Variants in MRI1 observed in about 807,000 individuals in gnomAD.
MRI1 encodes methylthioribose-1-phosphate isomerase.
Under a neutral mutation model 27.3 loss-of-function variants are expected in MRI1, and 32 were observed. The observed-to-expected ratio is 1.17, with a 90% CI of 0.88 to 1.57. MRI1 has a LOEUF of 1.57. Among genes scored for constraint, MRI1 ranks in the 40% most tolerant of loss-of-function variants. The pLI, the probability that MRI1 is intolerant of heterozygous loss-of-function variation, is 0.00. For synonymous variants in MRI1, 216 were observed against 227.4 expected (o/e 0.95, Z 0.45); for missense variants, 508 against 516.1 (o/e 0.98, Z 0.15).
chr19:13,768,506 C>T (rs1451035314), intron 3 of MRI1, 55 bp from the exon 4 acceptor site: 1 of 1,593,520 alleles, frequency 6.3e-7, no homozygotes, highest in Non-Finnish European at 8.6e-7. Context: ...CAATGGACCA[C>T]CCTGTCTGTT....
At position 13,764,870 on chromosome 19, in the gene MRI1, G is replaced by T; in HGVS notation, c.133-1G>T. 1 of 1,349,484 alleles carries T rather than the reference G, an allele frequency of 7.4e-7. No individual in the cohort carries two copies. Among genetic ancestry groups the T allele is most frequent in the Non-Finnish European group, 9.5e-7 (1 of 1,054,356 alleles). 83.6% of individuals were successfully genotyped at this position (1,349,484 alleles called of 1,614,324 possible). A position where few individuals can be genotyped will look rare whatever the true frequency, so the allele number is the denominator to read the frequency against. On this transcript the variant is annotated splice_acceptor_variant, in intron 1 of 5. Transcript: ENST00000040663. LOFTEE classifies it high-confidence loss of function. ...CCGACGCCCAAATCCCTGCCCCGCA[G>T]GTGCGGGGCGCCCCGGCCATAGCCC...
chr19:13,774,240 TA>T lies in MRI1; in HGVS notation c.*1963del, dbSNP rs1974332249. ...AGATCATAAAACGTTGTAAGTTTTC[TA>T]AAACACATAAGCTCTCAATAAACGT... On this transcript the variant is annotated 3_prime_UTR_variant, in exon 6 of 6. Transcript: ENST00000040663. 1 of 486,084 alleles carries T rather than the reference TA, an allele frequency of 2.1e-6. No individual in the cohort carries two copies. The highest frequency in any genetic ancestry group is 1.9e-5 in the African/African-American group (1 of 52,596). The allele number at this position is 486,084 out of a possible 1,614,324, so 30.1% of individuals were successfully genotyped here. A position where few individuals can be genotyped will look rare whatever the true frequency, so the allele number is the denominator to read the frequency against.
Position 13,774,164 on chromosome 19 carries a change from G to C in MRI1, c.*1883G>C, listed in dbSNP as rs886632218. 3.5e-5 allele frequency: 10 copies of C among 286,798 alleles called. No individual in the cohort carries two copies. Among genetic ancestry groups the C allele is most frequent in the African/African-American group, 2.2e-4 (10 of 46,184 alleles). The allele number at this position is 286,798 out of a possible 1,614,324, so 17.8% of individuals were successfully genotyped here. On this transcript the variant is annotated 3_prime_UTR_variant, in exon 6 of 6. Coordinates refer to ENST00000040663, the MANE Select transcript of MRI1 (RefSeq NM_001031727.4). ...AAGTTTTTGAACCTTCTTAAATTCT[G>C]TACCAGAGGTGAGTGCCACACCCTA...
intron 2 of MRI1, 81 bp downstream of exon 2, chr19:13,765,190 T>C (rs921365299): frequency 8.5e-7 from 1 of 1,173,350 alleles, no homozygotes; most frequent in East Asian, 3.1e-5. Context: ...ACTATACAGA[T>C]GGGGAAACTG....
intron 3 of MRI1, 91 bp from the exon 4 acceptor site, chr19:13,768,470 C>A (rs1368224008): frequency 1.9e-6 from 3 of 1,582,550 alleles, no homozygotes; most frequent in Middle Eastern, 1.7e-4. Flanking sequence ...CAATCCACGC[C>A]CAGACTAGGA....
Position 13,766,247 on chromosome 19 carries a change from C to G in MRI1, c.547+118C>G. ...CAAAAAAAATGGGAAGGTACTAGTTCTAGTACGGAAACACTTATACAGTTG... is the reference window on the plus strand; with the variant it reads ...CAAAAAAAATGGGAAGGTACTAGTTGTAGTACGGAAACACTTATACAGTTG... On this transcript the variant is annotated intron_variant, in intron 3 of 5. Coordinates refer to ENST00000040663, the MANE Select transcript of MRI1 (RefSeq NM_001031727.4). 6 of 964,062 alleles carry G rather than the reference C, an allele frequency of 6.2e-6. No homozygotes were observed. In the South Asian group the frequency reaches 1.2e-4, roughly 19 times the overall value. The allele number at this position is 964,062 out of a possible 1,614,324, so 59.7% of individuals were successfully genotyped here.
intron 5 of MRI1, 39 bp from the exon 6 acceptor site, chr19:13,772,082 C>A (rs200925337): frequency 3.8e-6 from 6 of 1,560,466 alleles, no homozygotes; most frequent in Non-Finnish European, 5.2e-6. Flanking sequence ...TTCACAGAAG[C>A]AAATTCTTGC....
chr19:13,766,345 G>T (rs928180865), intron 3 of MRI1, among the ~76,000 whole-genome samples: 6 of 152,170 alleles, frequency 3.9e-5, no homozygotes, highest in Admixed American at 3.3e-4. Flanking sequence ...CTTCAGCTCT[G>T]CCCTCCTTCA....
chr19:13,766,222 CA>C, intron 3 of MRI1, 93 bp downstream of exon 3: 80 of 1,232,752 alleles, frequency 6.5e-5, no homozygotes, highest in South Asian at 1.7e-4. Flanking sequence ...ACTTTATCCA[CA>C]AAAAAAATGG....
At chr19:13,769,997 C>T (rs1160860374) in intron 5 of MRI1, among the ~76,000 whole-genome samples, 6 of 152,080 alleles carry the variant, frequency 3.9e-5, no homozygotes, top group Admixed American at 6.6e-5. Flanking sequence ...GATAGGGTCT[C>T]GCTATGTTCC....
chr19:13,765,095 G>A lies in MRI1; in HGVS notation c.357G>A (p.Glu119=). The change falls in exon 2 of 6, where the codon GAG becomes GAA. Residue 119 remains glutamate (E), a synonymous_variant. Transcript: ENST00000040663. ...CCGAACGGGAGGGCGCTACGGAAGA[G>A]GCGGTCCGGGAGAGGTACGGGGATC... is the stretch of plus-strand genomic sequence containing the variant. ...REAEREGATE[E]AVRERVICCT... is the part of the protein sequence containing the mutation. 1 of 1,541,002 alleles carries A rather than the reference G, an allele frequency of 6.5e-7. No homozygotes were observed. The highest frequency in any genetic ancestry group is 2.5e-5 in the East Asian group (1 of 40,082).
chr19:13,767,459 G>A (rs1974162682), intron 3 of MRI1, among the ~76,000 whole-genome samples: 2 of 151,352 alleles, frequency 1.3e-5, no homozygotes, highest in Admixed American at 1.3e-4. Context: ...CCTGTAATCA[G>A]GAGGCTGGGG....
In MRI1 at chr19:13,765,112, A is replaced by G; in HGVS notation, c.371+3A>G. 1 of 1,523,616 alleles carries G rather than the reference A, an allele frequency of 6.6e-7. No individual in the cohort carries two copies. Among genetic ancestry groups the G allele is most frequent in the Non-Finnish European group, 8.8e-7 (1 of 1,139,102 alleles). 94.4% of individuals were successfully genotyped at this position (1,523,616 alleles called of 1,614,324 possible). ...ACGGAAGAGGCGGTCCGGGAGAGGT[A>G]CGGGGATCTGGTACCAGGCACGGCG... On this transcript the variant is annotated splice_donor_region_variant and intron_variant, in intron 2 of 5. Coordinates refer to ENST00000040663, the MANE Select transcript of MRI1 (RefSeq NM_001031727.4).
chr19:13,765,591 G>A lies in MRI1; in HGVS notation c.372-363G>A, dbSNP rs552022270. ...TTGGTGCGGGCCAGGTATCCATAGC[G>A]CCCTCCTCCACCATTCTATATGATC... On this transcript the variant is annotated intron_variant, in intron 2 of 5. Transcript: ENST00000040663. Among the ~76,000 whole-genome samples, 9 of 152,176 alleles carry A rather than the reference G, an allele frequency of 5.9e-5. No individual in the cohort carries two copies. In the East Asian group the frequency reaches 1.5e-3, roughly 26 times the overall value.
chr19:13,769,474 T>C (rs1425340351), intron 5 of MRI1, among the ~76,000 whole-genome samples: 1 of 152,046 alleles, frequency 6.6e-6, no homozygotes, highest in Non-Finnish European at 1.5e-5. Context: ...CCCAAGCCAC[T>C]TCTTCTAACA....
rs947981179 is a variant in MRI1 at position 13,764,698 on chromosome 19, G to A, written c.110G>A (p.Trp37Ter). ...YEAVGSVHQA[W>*]EAIRAMKVRG... ...GCGGTGGGCTCGGTGCACCAGGCCT[G>A]GGAGGCCATCCGCGCCATGAAGGTG... Residue 37 changes from tryptophan (W) to a stop codon, truncating the protein, a stop_gained, in exon 1 of 6, where the codon TGG becomes TAG. Transcript: ENST00000040663. LOFTEE classifies it high-confidence loss of function. The A allele has an allele frequency of 2.0e-6, 3 of 1,533,402 alleles. No homozygotes were observed. Among genetic ancestry groups the A allele is most frequent in the Non-Finnish European group, 2.6e-6 (3 of 1,142,630 alleles). 95.0% of individuals were successfully genotyped at this position (1,533,402 alleles called of 1,614,324 possible).
At position 13,772,236 on chromosome 19, in the gene MRI1, C is replaced by T; in HGVS notation, c.1065C>T (p.Thr355=). The change falls in exon 6 of 6, where the codon ACC becomes ACT. Residue 355 remains threonine (T), a synonymous_variant. Coordinates refer to ENST00000040663, the MANE Select transcript of MRI1 (RefSeq NM_001031727.4). The stretch of plus-strand genomic sequence containing the variant: ...AGGAGCTCCGGACAGCCCTAACCAC[C>T]ACCATCTCTTCCAGGGATGGAACCC... ...APEELRTALT[T]TISSRDGTLD... 2 of 1,614,094 alleles carry T rather than the reference C, an allele frequency of 1.2e-6. No homozygotes were observed. Among genetic ancestry groups the T allele is most frequent in the African/African-American group, 1.3e-5 (1 of 75,028 alleles).
At position 13,768,730 on chromosome 19, in the gene MRI1, CGT is replaced by C. The variant is rs1974201926; in HGVS notation, c.720_721del (p.Ala242CysfsTer6). The C allele has an allele frequency of 6.2e-7, 1 of 1,612,442 alleles. No individual in the cohort carries two copies. The highest frequency in any genetic ancestry group is 8.5e-7 in the Non-Finnish European group (1 of 1,179,240). On this transcript the variant is annotated frameshift_variant, in exon 4 of 6. Transcript: ENST00000040663. LOFTEE classifies it high-confidence loss of function. Reference protein sequence around the residue: ...MVAAAMAHRGVSAVVVGADRV... With the variant: ...MVAAAMAHRGXSAVVVGADRV... ...TGGCTGCTGCCATGGCCCATAGGGG[CGT>C]GTCAGGTAAGCAGACGGTAAGCCCT...
intron 3 of MRI1, 40 bp from the exon 4 acceptor site, chr19:13,768,521 C>A: frequency 6.3e-7 from 1 of 1,594,366 alleles, no homozygotes; most frequent in African/African-American, 1.3e-5. Flanking sequence ...TCTGTTTGCC[C>A]CTCCCCGGGG....
Sources: allele counts gnomAD v4.1 joint callset (sites outside exome capture counted in the v4.1 genomes callset), GRCh38; gene constraint gnomAD v4.1.1; transcripts MANE v1.5; gene names NCBI Gene and HGNC (gene_info 2026-07-23, HGNC 2026-07-21).